OSBPL10: variants seen among roughly 807,000 people sequenced by gnomAD.
OSBPL10 encodes the protein oxysterol-binding protein-related protein 10.
In OSBPL10, 49 loss-of-function variants were observed where a neutral mutation model predicts 81.7. The ratio of observed to expected loss-of-function variants is 0.60; its 90% CI spans 0.48 to 0.76. OSBPL10 has a LOEUF of 0.76. Ranked by LOEUF, OSBPL10 falls within the 30% of genes least tolerant of loss-of-function variation. The pLI is 0.00. For missense variants in OSBPL10, 923 were observed against 987.8 expected (o/e 0.93, Z 0.88); for synonymous variants, 419 against 383.6 (o/e 1.09, Z -1.08).
At chr3:31,704,072 G>A (rs1010296006) in intron 6 of OSBPL10, 1 of 152,384 alleles carries the variant, frequency 6.6e-6, no homozygotes, top group Non-Finnish European at 1.5e-5. Flanking sequence ...GGCCCTGGGG[G>A]TCTCCTCCAG....
At chr3:31,746,220 G>A (rs1697514279) in intron 5 of OSBPL10, among the ~76,000 whole-genome samples, 1 of 152,292 alleles carries the variant, frequency 6.6e-6, no homozygotes, top group South Asian at 2.1e-4. Context: ...TACTCCTGGT[G>A]TGTATTCTAG....
At chr3:31,791,863 A>T (rs1699018680) in intron 4 of OSBPL10, among the ~76,000 whole-genome samples, 1 of 151,534 alleles carries the variant, frequency 6.6e-6, no homozygotes, top group South Asian at 2.1e-4. Context: ...AAAAAAAAAA[A>T]TAAGAAACAG....
At chr3:31,879,264 T>C (rs961303281) in intron 2 of OSBPL10, 1 of 156,542 alleles carries the variant, frequency 6.4e-6, no homozygotes, top group Admixed American at 6.5e-5. Flanking sequence ...TAGAGAAACT[T>C]TGGGGGGAAA....
chr3:31,996,851 G>A (rs888509747), intron 2 of OSBPL10, among the ~76,000 whole-genome samples: 1 of 152,146 alleles, frequency 6.6e-6, no homozygotes, highest in Non-Finnish European at 1.5e-5. Context: ...CAGGTAGGAA[G>A]TTCAGTTTTG....
chr3:32,075,405 C>T lies in OSBPL10; in HGVS notation n.185+1991G>A, dbSNP rs890275014. On this transcript the variant is annotated intron_variant and non_coding_transcript_variant, in intron 1 of 3. Coordinates refer to the OSBPL10 transcript ENST00000479173. ...CAATAACATTGAACCCCCTTGGACA[C>T]TCTTTAATTGGATGTCCTGGGTACT... 4.8e-4 allele frequency among the ~76,000 whole-genome samples: 73 copies of T among 152,314 alleles called. 1 individual carries two copies. The highest frequency in any genetic ancestry group is 4.8e-3 in the Admixed American group (73 of 15,298).
Position 31,684,040 on chromosome 3 carries a change from G to A in OSBPL10, c.1320C>T (p.Asp440=), listed in dbSNP as rs767335633. 1 of 1,614,246 alleles carries A rather than the reference G, an allele frequency of 6.2e-7. No individual in the cohort carries two copies. Among genetic ancestry groups the A allele is most frequent in the Non-Finnish European group, 8.5e-7 (1 of 1,180,046 alleles). ...EMYADFMAHP[D]LLLAITAGAT... ...CCCCAGCGGTGATGGCCAGCAGTAG[G>A]TCTGGGTGCGCCATGAAATCTGCAT... The change falls in exon 8 of 12, where the codon GAC becomes GAT. Residue 440 remains aspartate, a synonymous_variant. Transcript: ENST00000396556.
intron 1 of OSBPL10, among the ~76,000 whole-genome samples, chr3:32,058,860 T>A (rs1699733764): frequency 6.6e-6 from 1 of 152,168 alleles, no homozygotes. Context: ...ACTAATTATT[T>A]ATTTTTTTGG....
chr3:31,804,903 G>A (rs1315364797), intron 4 of OSBPL10, among the ~76,000 whole-genome samples: 2 of 152,140 alleles, frequency 1.3e-5, no homozygotes. Context: ...CTTACTTTGT[G>A]TGTCTGTTTG....
intron 6 of OSBPL10, among the ~76,000 whole-genome samples, chr3:31,708,234 G>A (rs1696134952): frequency 1.3e-5 from 2 of 152,120 alleles, no homozygotes. Flanking sequence ...CACTGCACCC[G>A]ACCTTCAGTT....
At chr3:31,863,278 G>T (rs1701101738) in intron 3 of OSBPL10, among the ~76,000 whole-genome samples, 1 of 152,168 alleles carries the variant, frequency 6.6e-6, no homozygotes, top group African/African-American at 2.4e-5. Context: ...GATAGAAATG[G>T]GGGGTGACTG....
At chr3:31,965,396 TATAATATAA>T (rs1559534674) in intron 1 of OSBPL10, among the ~76,000 whole-genome samples, 16 of 108,592 alleles carry the variant, frequency 1.5e-4, no homozygotes, top group African/African-American at 6.9e-4. Context: ...ATGTATAATA[TATAATATAA>T]AATATATATT....
At position 31,980,960 on chromosome 3, in the gene OSBPL10, C is replaced by G; in HGVS notation, c.220G>C (p.Glu74Gln). The change falls in exon 1 of 12, where the codon GAG becomes CAG. Residue 74 changes from glutamate (E) to glutamine (Q), a missense_variant. By Grantham distance (29) the Glu-to-Gln change is conservative. This residue lies in a region of OSBPL10 where 514 missense variants were observed against 508.0 expected (regional missense o/e 1.01). Transcript: ENST00000396556. ...SPSGGGGRRR[E>Q]PALEGVLSKY... ...CTGAGCACGCCCTCGAGCGCCGGCTCCCTCCTGCGGCCGCCTCCCCCGGAC... is the reference window on the plus strand; with the variant it reads ...CTGAGCACGCCCTCGAGCGCCGGCTGCCTCCTGCGGCCGCCTCCCCCGGAC... 6.4e-7 allele frequency: 1 copy of G among 1,573,434 alleles called. No individual in the cohort carries two copies. The highest frequency in any genetic ancestry group is 1.4e-5 in the African/African-American group (1 of 71,156).
intron 4 of OSBPL10, among the ~76,000 whole-genome samples, chr3:31,765,919 T>C (rs144599987): frequency 6.6e-6 from 1 of 152,284 alleles, no homozygotes; most frequent in East Asian, 1.9e-4. Flanking sequence ...GTTGCATGGA[T>C]ACAGGAAAGA....
At chr3:31,855,405 A>T (rs143012782) in intron 3 of OSBPL10, among the ~76,000 whole-genome samples, 1 of 152,210 alleles carries the variant, frequency 6.6e-6, no homozygotes, top group East Asian at 1.9e-4. Context: ...TGAAGAATAC[A>T]GTCCATGTAG....
chr3:31,917,252 TG>T (rs1396522876), intron 1 of OSBPL10, among the ~76,000 whole-genome samples: 1 of 152,198 alleles, frequency 6.6e-6, no homozygotes, highest in Non-Finnish European at 1.5e-5. Context: ...GGAATTTCAG[TG>T]TCCAACTCCA....
At chr3:32,018,148 CAATAAATAAATA>C (rs199908017) in intron 2 of OSBPL10, among the ~76,000 whole-genome samples, 6,040 of 141,922 alleles carry the variant, frequency 0.043, 159 homozygotes, top group East Asian at 0.11. Context: ...AACTCCATCT[CAATAAATAAATA>C]AATAAATAAA....
chr3:31,957,010 C>T (rs1698028815), intron 1 of OSBPL10, among the ~76,000 whole-genome samples: 1 of 152,058 alleles, frequency 6.6e-6, no homozygotes, highest in Admixed American at 6.6e-5. Context: ...TGGTACACAC[C>T]TGTGGTCCCA....
At chr3:31,791,652 T>C (rs753833882) in intron 4 of OSBPL10, among the ~76,000 whole-genome samples, 2 of 152,060 alleles carry the variant, frequency 1.3e-5, no homozygotes, top group African/African-American at 4.8e-5. Context: ...TTTTGTTTTT[T>C]TTTTCCACAA....
intron 4 of OSBPL10, among the ~76,000 whole-genome samples, chr3:31,828,050 T>C (rs1241818503): frequency 6.6e-6 from 1 of 152,126 alleles, no homozygotes; most frequent in Non-Finnish European, 1.5e-5. Context: ...TAACAGTAAG[T>C]CCACAGAGAT....
Sources: gnomAD v4.1 joint callset for allele counts (sites outside exome capture counted in the v4.1 genomes callset) on GRCh38, gnomAD v4.1.1 for gene constraint, gnomAD v4.1.1 regional missense constraint, MANE v1.5 for transcripts, NCBI Gene and HGNC (gene_info 2026-07-23, HGNC 2026-07-21) for gene names.